SHPRH: variants seen among roughly 807,000 people sequenced by gnomAD.
SHPRH encodes E3 ubiquitin-protein ligase SHPRH.
In SHPRH, 106 loss-of-function variants were observed where a neutral mutation model predicts 202.5. The ratio of observed to expected loss-of-function variants is 0.52; its 90% confidence interval spans 0.45 to 0.62. The LOEUF (loss-of-function observed/expected upper bound fraction) is 0.62. Ranked by LOEUF, SHPRH falls within the 20% of genes least tolerant of loss-of-function variation. The pLI, the probability that SHPRH is intolerant of heterozygous loss-of-function variation, is 0.00. For synonymous variants in SHPRH, 729 were observed against 686.0 expected, an observed-to-expected ratio of 1.06 and a Z score of -0.98; for missense variants, 1,710 against 2,020.0, an observed-to-expected ratio of 0.85 and a Z score of 2.94.
intron 25 of SHPRH, among the ~76,000 whole-genome samples, chr6:145,898,109 C>T (rs543113062): frequency 6.6e-6 from 1 of 152,032 alleles, no homozygotes; most frequent in Non-Finnish European, 1.5e-5. Context: ...ATACAAAATC[C>T]TAAAGATTCC....
At chr6:145,866,241 T>C (rs1203745645) in intron 2 of SHPRH, among the ~76,000 whole-genome samples, 1 of 152,240 alleles carries the variant, frequency 6.6e-6, no homozygotes, top group Admixed American at 6.5e-5. Context: ...TCTGTCTGCT[T>C]CCCTCATTGA....
downstream of SHPRH, chr6:145,881,452 G>A (rs975466189): frequency 2.0e-5 from 3 of 152,140 alleles, no homozygotes; most frequent in Non-Finnish European, 4.4e-5. Flanking sequence ...AAATCCTAGG[G>A]CCCTTCAGAC....
intron 24 of SHPRH, among the ~76,000 whole-genome samples, chr6:145,910,976 TATC>T (rs1025368886): frequency 3.9e-5 from 6 of 152,108 alleles, no homozygotes; most frequent in African/African-American, 1.4e-4. Context: ...TTGGAGATAA[TATC>T]ATACTCGATA....
rs79127165 is a variant in SHPRH at position 145,924,144 on chromosome 6, C to T, written c.3403-359G>A. On this transcript the variant is annotated intron_variant, in intron 17 of 29. Coordinates refer to ENST00000275233, the MANE Select transcript of SHPRH (RefSeq NM_001042683.3). ...CTCTTTATCAGCATAAGAAAGAAAG[C>T]CTTCATTCTAATCTTTAACTAACTG... Among the ~76,000 whole-genome samples the T allele has an allele frequency of 7.9e-3, 1,205 of 151,944 alleles. 9 individuals are homozygous for T. Among genetic ancestry groups the T allele is most frequent in the African/African-American group, 0.027 (1,140 of 41,502 alleles).
chr6:145,948,585 C>T lies in SHPRH; in HGVS notation c.983-235G>A, dbSNP rs913504068. ...GCTCCCTTTGTTTTGGGCACAAATC[C>T]ACATCAGCAAATAATAGGACAGATA... On this transcript the variant is annotated intron_variant, in intron 4 of 29. Coordinates refer to ENST00000275233, the MANE Select transcript of SHPRH (RefSeq NM_001042683.3). Among the ~76,000 whole-genome samples the T allele has an allele frequency of 3.9e-5, 6 of 151,932 alleles. No individual in the cohort carries two copies. The East Asian group carries it at 1.2e-3, about 29-fold the overall frequency.
chr6:145,932,449 C>A (rs950058836), intron 14 of SHPRH, among the ~76,000 whole-genome samples: 1 of 152,152 alleles, frequency 6.6e-6, no homozygotes, highest in Non-Finnish European at 1.5e-5. Context: ...GATGCTCTTT[C>A]TAACCTGCTT....
chr6:145,946,771 C>A (rs548487048), intron 6 of SHPRH, among the ~76,000 whole-genome samples: 1 of 151,896 alleles, frequency 6.6e-6, no homozygotes, highest in East Asian at 1.9e-4. Context: ...CTACTCAAAT[C>A]TGAAAGGCTA....
At chr6:145,879,640 G>A (rs1003225140) in intron 2 of SHPRH, among the ~76,000 whole-genome samples, 2 of 152,122 alleles carry the variant, frequency 1.3e-5, no homozygotes, top group African/African-American at 2.4e-5. Context: ...GCCGGGTGTG[G>A]TGGCTCATGC....
intron 25 of SHPRH, chr6:145,904,054 G>A (rs1782735086): frequency 6.6e-6 from 1 of 152,006 alleles, no homozygotes; most frequent in African/African-American, 2.4e-5. Flanking sequence ...TCAATCAACA[G>A]CATTCCTTAC....
chr6:145,866,122 T>C (rs1416882626), intron 2 of SHPRH, among the ~76,000 whole-genome samples: 1 of 152,270 alleles, frequency 6.6e-6, no homozygotes, highest in African/African-American at 2.4e-5. Context: ...TTCCTCACCT[T>C]TATCCCCAAG....
chr6:145,917,794 G>A, intron 23 of SHPRH: 1 of 173,828 alleles, frequency 5.8e-6, no homozygotes, highest in Non-Finnish European at 1.2e-5. Context: ...ACATATTTTT[G>A]TATTGATGAA....
intron 13 of SHPRH, 117 bp from the exon 14 acceptor site, chr6:145,933,295 T>G (rs1785672050): frequency 6.9e-7 from 1 of 1,455,252 alleles, no homozygotes; most frequent in Non-Finnish European, 9.2e-7. Context: ...TTGTGGTATC[T>G]CTAGCATTTT....
chr6:145,882,045 G>A (rs1384391542), downstream of SHPRH, among the ~76,000 whole-genome samples: 1 of 151,398 alleles, frequency 6.6e-6, no homozygotes, highest in Non-Finnish European at 1.5e-5. Context: ...GCAGTGAGCG[G>A]TCATGGCACC....
chr6:145,942,831 G>C (rs967915611), intron 9 of SHPRH, among the ~76,000 whole-genome samples: 5 of 152,084 alleles, frequency 3.3e-5, no homozygotes, highest in Non-Finnish European at 7.4e-5. Flanking sequence ...CCTTTGGATT[G>C]CATTTCTCTC....
chr6:145,930,159 A>G (rs1387509034), intron 14 of SHPRH, among the ~76,000 whole-genome samples: 2 of 152,130 alleles, frequency 1.3e-5, no homozygotes, highest in Non-Finnish European at 1.5e-5. Flanking sequence ...ATCTAGCACA[A>G]TAAGAGACAC....
chr6:145,960,947 G>C (rs914502854), intron 1 of SHPRH, among the ~76,000 whole-genome samples: 2 of 151,980 alleles, frequency 1.3e-5, no homozygotes, highest in South Asian at 4.1e-4. Flanking sequence ...GTTTTAATAA[G>C]AAGTGCACAA....
intron 2 of SHPRH, among the ~76,000 whole-genome samples, chr6:145,874,635 C>G (rs564304075): frequency 6.6e-6 from 1 of 152,302 alleles, no homozygotes; most frequent in East Asian, 1.9e-4. Flanking sequence ...AAATCCTTTA[C>G]TAGGTGGCAA....
At chr6:145,869,511 T>C (rs1779956986) in intron 2 of SHPRH, among the ~76,000 whole-genome samples, 1 of 152,220 alleles carries the variant, frequency 6.6e-6, no homozygotes, top group Admixed American at 6.5e-5. Context: ...GAGTTAATTT[T>C]TGTGAAGGGT....
chr6:145,867,129 A>AT (rs1467622914), intron 2 of SHPRH, among the ~76,000 whole-genome samples: 3 of 152,108 alleles, frequency 2.0e-5, no homozygotes, highest in African/African-American at 7.2e-5. Context: ...ATTCTCTGCT[A>AT]TTTTTTAACT....
Sources: gnomAD v4.1 joint callset for allele counts (sites outside exome capture counted in the v4.1 genomes callset) on GRCh38, gnomAD v4.1.1 for gene constraint, MANE v1.5 for transcripts, NCBI Gene and HGNC (gene_info 2026-07-23, HGNC 2026-07-21) for gene names.